LPP: variants seen among roughly 807,000 people sequenced by gnomAD.
LPP encodes the protein lipoma-preferred partner.
LPP carries 38 observed loss-of-function variants against 60.4 expected under a neutral mutation model. That is an observed-to-expected ratio of 0.63 (90% CI 0.49 to 0.83). The LOEUF (loss-of-function observed/expected upper bound fraction) is 0.83. Among genes scored for constraint, LPP ranks in the 40% least tolerant of loss-of-function variants. The pLI is 0.00. For synonymous variants in LPP, 328 were observed against 290.8 expected (o/e 1.13, Z -1.30); for missense variants, 902 against 783.6 (o/e 1.15, Z -1.80).
At chr3:188,308,251 C>T (rs755892305) in intron 2 of LPP, among the ~76,000 whole-genome samples, 1 of 152,004 alleles carries the variant, frequency 6.6e-6, no homozygotes, top group Admixed American at 6.6e-5. Context: ...GTGTTAATAT[C>T]GCAGCACACT....
At chr3:188,706,101 C>G (rs1298024347) in intron 7 of LPP, among the ~76,000 whole-genome samples, 1 of 152,160 alleles carries the variant, frequency 6.6e-6, no homozygotes. Flanking sequence ...CTGAATAATT[C>G]AGTAGCTTCT....
At chr3:188,557,450 A>G (rs1191494424) in intron 6 of LPP, among the ~76,000 whole-genome samples, 1 of 152,134 alleles carries the variant, frequency 6.6e-6, no homozygotes, top group Non-Finnish European at 1.5e-5. Context: ...ATCATGAGCA[A>G]ATATCTGTTG....
At chr3:188,204,721 T>A (rs560249301) in intron 1 of LPP, among the ~76,000 whole-genome samples, 1 of 152,194 alleles carries the variant, frequency 6.6e-6, no homozygotes, top group South Asian at 2.1e-4. Flanking sequence ...GATGTGGAAG[T>A]CAGGAGTGAG....
chr3:188,276,669 GTC>G lies in LPP; in HGVS notation c.-67+51166_-67+51167del, dbSNP rs750060555. Among the ~76,000 whole-genome samples, 357 of 100,058 alleles carry G rather than the reference GTC, an allele frequency of 3.6e-3. 2 individuals are homozygous for G. The highest frequency in any genetic ancestry group is 5.1e-3 in the Non-Finnish European group (227 of 44,164). The allele number at this position is 100,058 out of a possible 152,430, so 65.6% of individuals were successfully genotyped here. A position where few individuals can be genotyped will look rare whatever the true frequency, so the allele number is the denominator to read the frequency against. On this transcript the variant is annotated intron_variant, in intron 2 of 11. Transcript: ENST00000617246. ...GTGGCACCCCCCACCCTCCAACTCT[GTC>G]TCTCTCTCTCTCTCTCTCTCTCTTT...
chr3:188,826,804 A>G (rs978657649), intron 9 of LPP, among the ~76,000 whole-genome samples: 2 of 151,840 alleles, frequency 1.3e-5, no homozygotes, highest in South Asian at 2.1e-4. Context: ...GCACCTCTCT[A>G]TGTCATCCTT....
chr3:188,203,496 TA>T (rs1731929190), intron 1 of LPP, among the ~76,000 whole-genome samples: 1 of 69,708 alleles, frequency 1.4e-5, no homozygotes, highest in Non-Finnish European at 2.5e-5. Context: ...TTTTTAAATA[TA>T]TATAAATATA....
intron 1 of LPP, among the ~76,000 whole-genome samples, chr3:188,160,150 T>C (rs1717802439): frequency 6.6e-6 from 1 of 152,002 alleles, no homozygotes; most frequent in South Asian, 2.1e-4. Context: ...GACCTCGTGA[T>C]CCACCTGCCT....
chr3:188,391,993 A>T (rs572784807), intron 3 of LPP, among the ~76,000 whole-genome samples: 1 of 152,338 alleles, frequency 6.6e-6, no homozygotes, highest in African/African-American at 2.4e-5. Flanking sequence ...TTTCTTTTGC[A>T]ATCAAACCTT....
intron 2 of LPP, among the ~76,000 whole-genome samples, chr3:188,240,396 A>G (rs1723848669): frequency 6.6e-6 from 1 of 151,548 alleles, no homozygotes; most frequent in African/African-American, 2.4e-5. Flanking sequence ...ACAGAGAGAG[A>G]AAGAGGTAAA....
At chr3:188,196,596 C>T (rs1729611916) in intron 1 of LPP, among the ~76,000 whole-genome samples, 1 of 152,208 alleles carries the variant, frequency 6.6e-6, no homozygotes, top group East Asian at 1.9e-4. Flanking sequence ...CTCATCCATC[C>T]TATTCTCTCT....
intron 9 of LPP, among the ~76,000 whole-genome samples, chr3:188,763,079 A>G (rs567723470): frequency 6.6e-6 from 1 of 152,326 alleles, no homozygotes; most frequent in Admixed American, 6.5e-5. Flanking sequence ...TGCATTAAGG[A>G]GAATCCTAGA....
rs150731412 is a variant in LPP, at chr3:188,781,129, C to T, written c.1410+20847C>T. Reference sequence around the variant, plus strand: ...TTTCCAGTTTATTCATTGTGTAAAGCGGCTATAATAGTATTTATAGGGGTT... The same window carrying T: ...TTTCCAGTTTATTCATTGTGTAAAGTGGCTATAATAGTATTTATAGGGGTT... On this transcript the variant is annotated intron_variant, in intron 9 of 11. Transcript: ENST00000617246. Among the ~76,000 whole-genome samples, 7 of 152,238 alleles carry T rather than the reference C, an allele frequency of 4.6e-5. No individual in the cohort carries two copies. In the East Asian group the frequency reaches 5.8e-4, roughly 13 times the overall value.
intron 8 of LPP, among the ~76,000 whole-genome samples, chr3:188,751,424 A>G (rs755091119): frequency 3.3e-5 from 5 of 152,222 alleles, no homozygotes; most frequent in African/African-American, 4.8e-5. Context: ...AATATAGAAG[A>G]CTGGTTAAAA....
chr3:188,583,809 T>G (rs1482252108), intron 6 of LPP, among the ~76,000 whole-genome samples: 1 of 152,164 alleles, frequency 6.6e-6, no homozygotes, highest in Non-Finnish European at 1.5e-5. Context: ...AAATAGAATT[T>G]TCTTACCTCT....
rs71634069 is a variant in LPP at position 188,232,504 on chromosome 3, ATTTTTT to A, written c.-67+6995_-67+7000del. 7.6e-3 allele frequency among the ~76,000 whole-genome samples: 784 copies of A among 103,236 alleles called. 10 individuals carry two copies. The highest frequency in any genetic ancestry group is 0.025 in the African/African-American group (714 of 28,120). 67.7% of individuals were successfully genotyped at this position (103,236 alleles called of 152,430 possible). On this transcript the variant is annotated intron_variant, in intron 2 of 11. Coordinates refer to ENST00000617246, the MANE Select transcript of LPP (RefSeq NM_001375462.1). ...CAGATGCATGCCATCACACCCGGCT[ATTTTTT>A]TTTTTTTTTTTTTTTTTGTATTTTT...
intron 6 of LPP, among the ~76,000 whole-genome samples, chr3:188,526,280 C>A (rs1820550809): frequency 7.9e-6 from 1 of 126,408 alleles, no homozygotes; most frequent in African/African-American, 3.0e-5. Flanking sequence ...AAGGTGGCAG[C>A]ACTTTCTTCT....
chr3:188,175,109 CAG>C (rs1722700504), intron 1 of LPP, among the ~76,000 whole-genome samples: 1 of 152,048 alleles, frequency 6.6e-6, no homozygotes. Flanking sequence ...TTTTTTGAGT[CAG>C]AGTCTCGCTC....
chr3:188,880,705 C>G lies in LPP; in HGVS notation c.*6226C>G, dbSNP rs1451049361. Reference sequence around the variant, plus strand: ...AAATAAAAACGTTATTAAACAGCCACAATCGCATTCAGTCAACTTGGCACT... The same window carrying G: ...AAATAAAAACGTTATTAAACAGCCAGAATCGCATTCAGTCAACTTGGCACT... On this transcript the variant is annotated 3_prime_UTR_variant, in exon 12 of 12. Transcript: ENST00000617246. 4 of 185,170 alleles carry G rather than the reference C, an allele frequency of 2.2e-5. No individual in the cohort carries two copies. Among genetic ancestry groups the G allele is most frequent in the African/African-American group, 9.4e-5 (4 of 42,634 alleles). The allele number at this position is 185,170 out of a possible 1,614,324, so 11.5% of individuals were successfully genotyped here. A position where few individuals can be genotyped will look rare whatever the true frequency, so the allele number is the denominator to read the frequency against.
intron 6 of LPP, among the ~76,000 whole-genome samples, chr3:188,546,541 A>C (rs1239301969): frequency 6.6e-6 from 1 of 152,148 alleles, no homozygotes; most frequent in East Asian, 1.9e-4. Flanking sequence ...TACAGAGTTT[A>C]TATTGGCCTT....
Sources: gnomAD v4.1 joint callset for allele counts (sites outside exome capture counted in the v4.1 genomes callset) on GRCh38, gnomAD v4.1.1 for gene constraint, MANE v1.5 for transcripts, NCBI Gene and HGNC (gene_info 2026-07-23, HGNC 2026-07-21) for gene names.